Variants in NAV1 observed in about 807,000 individuals in gnomAD.
The protein encoded by NAV1 is pore membrane and/or filament interacting like protein 3.
Under a neutral mutation model 175.2 loss-of-function variants are expected in NAV1, and 18 were observed. The observed-to-expected ratio is 0.10, with a 90% CI of 0.07 to 0.15. The LOEUF (loss-of-function observed/expected upper bound fraction) is 0.15. Among genes scored for constraint, NAV1 ranks in the 10% least tolerant of loss-of-function variants. The probability of loss-of-function intolerance (pLI) is 1.00; values close to 1 mark genes in which losing one functional copy is unlikely to be tolerated. For synonymous variants in NAV1, 897 were observed against 978.7 expected (o/e 0.92, Z 1.56); for missense variants, 1,731 against 2,436.6 (o/e 0.71, Z 6.10).
At chr1:201,672,497 G>A (rs1670079973) in intron 1 of NAV1, among the ~76,000 whole-genome samples, 1 of 152,162 alleles carries the variant, frequency 6.6e-6, no homozygotes, top group African/African-American at 2.4e-5. Flanking sequence ...CCTGTTCTGG[G>A]TGCTTTATGT....
At chr1:201,594,222 A>C (rs1076610) in intron 2 of NAV1, among the ~76,000 whole-genome samples, 1 of 151,786 alleles carries the variant, frequency 6.6e-6, no homozygotes, top group African/African-American at 2.4e-5. Context: ...GGCCCAAGCA[A>C]CCCCTATACC....
intron 1 of NAV1, among the ~76,000 whole-genome samples, chr1:201,665,571 G>A (rs948368525): frequency 7.3e-6 from 1 of 136,512 alleles, no homozygotes; most frequent in African/African-American, 2.8e-5. Context: ...CTCTGGAGGG[G>A]TGAGGGCAAG....
chr1:201,714,798 GACTC>G (rs1558091115), intron 2 of NAV1, among the ~76,000 whole-genome samples: 1 of 152,186 alleles, frequency 6.6e-6, no homozygotes, highest in Non-Finnish European at 1.5e-5. Flanking sequence ...CACCCCAAAT[GACTC>G]ACTCACAGGA....
chr1:201,719,336 T>G (rs1433781798), intron 3 of NAV1, among the ~76,000 whole-genome samples: 1 of 152,070 alleles, frequency 6.6e-6, no homozygotes, highest in East Asian at 2.0e-4. Flanking sequence ...CCTCAGTGTC[T>G]GCTCCTTGGG....
At chr1:201,821,926 C>T (rs779886487) in exon 30 of NAV1, 6 of 152,314 alleles carry the variant, frequency 3.9e-5, no homozygotes, top group Non-Finnish European at 5.9e-5. Flanking sequence ...TCCTAAGTAG[C>T]ACAAGACTTT....
chr1:201,790,394 G>A (rs373672994), intron 11 of NAV1, among the ~76,000 whole-genome samples, 160 bp from the exon 16 acceptor site: 2 of 152,170 alleles, frequency 1.3e-5, no homozygotes, highest in Non-Finnish European at 2.9e-5. Flanking sequence ...GCCGAGTCCT[G>A]TGAGGAGCCA....
chr1:201,598,325 A>G (rs1034735128), intron 2 of NAV1, among the ~76,000 whole-genome samples: 2 of 152,192 alleles, frequency 1.3e-5, no homozygotes, highest in African/African-American at 2.4e-5. Flanking sequence ...CAGGGCAGAG[A>G]GATGAGTCTG....
chr1:201,694,180 C>T lies in NAV1; in HGVS notation c.758-18637C>T, dbSNP rs1204600817. ...TGCTGAGCAAAGGAGGGTGCCAGAA[C>T]ACGGAGAGCTGGAGGGGACCAGCAG... On this transcript the variant is annotated intron_variant, in intron 1 of 29. Transcript: ENST00000367296. This position sits in a 1 kb window ranked among gnomAD's most constrained non-coding sequence, Gnocchi z 4.2. Among the ~76,000 whole-genome samples, 1 of 152,244 alleles carries T rather than the reference C, an allele frequency of 6.6e-6. No individual in the cohort carries two copies. The highest frequency in any genetic ancestry group is 1.5e-5 in the Non-Finnish European group (1 of 68,046).
At position 201,734,727 on chromosome 1, in the gene NAV1, CTGG is replaced by C. The variant is rs1209866592; in HGVS notation, c.1226+15973_1226+15975del. On this transcript the variant is annotated intron_variant, in intron 3 of 29. Transcript: ENST00000367296. ...AAACACACACACACTCACACACACC[CTGG>C]CATCTGCCCAGTGACCCCAGGTGAG... is the stretch of plus-strand genomic sequence containing the variant. 1.1e-4 allele frequency among the ~76,000 whole-genome samples: 17 copies of C among 152,256 alleles called. No homozygotes were observed. The South Asian group carries it at 3.1e-3, about 28-fold the overall frequency.
At chr1:201,720,674 A>G (rs547529304) in intron 3 of NAV1, among the ~76,000 whole-genome samples, 1 of 152,392 alleles carries the variant, frequency 6.6e-6, no homozygotes, top group Admixed American at 6.5e-5. Flanking sequence ...TCAAATGCAG[A>G]TAACAGTAGA....
chr1:201,591,306 G>A (rs1170851423), intron 2 of NAV1, among the ~76,000 whole-genome samples: 1 of 152,200 alleles, frequency 6.6e-6, no homozygotes, highest in Non-Finnish European at 1.5e-5. Context: ...GAGGGAGGCT[G>A]CAGTCATTGT....
intron 1 of NAV1, among the ~76,000 whole-genome samples, chr1:201,669,428 G>T (rs537244930): frequency 2.0e-5 from 3 of 152,296 alleles, no homozygotes. Flanking sequence ...AAGTATTTGA[G>T]GAAAGTGGAA....
At chr1:201,804,841 T>C (rs1424487904) in intron 17 of NAV1, among the ~76,000 whole-genome samples, 1 of 152,222 alleles carries the variant, frequency 6.6e-6, no homozygotes, top group African/African-American at 2.4e-5. Flanking sequence ...AACCTTCTTC[T>C]TTTTGGTTCC....
chr1:201,773,631 A>G (rs1675737596), intron 3 of NAV1, among the ~76,000 whole-genome samples: 1 of 152,188 alleles, frequency 6.6e-6, no homozygotes, highest in Non-Finnish European at 1.5e-5. Flanking sequence ...AGGGGGAGGA[A>G]AAAGGAGTTG....
intron 3 of NAV1, chr1:201,724,549 A>G (rs1672521769): frequency 6.6e-6 from 1 of 152,280 alleles, no homozygotes; most frequent in Admixed American, 6.5e-5. Context: ...CAGTAACACT[A>G]CTGCCAAGTC....
At position 201,558,562 on chromosome 1, in the gene NAV1, C is replaced by T. The variant is rs561693677; in HGVS notation, c.-144+19220C>T. 1.1e-4 allele frequency among the ~76,000 whole-genome samples: 16 copies of T among 152,316 alleles called. No individual in the cohort carries two copies. In the East Asian group the frequency reaches 2.3e-3, roughly 22 times the overall value. On this transcript the variant is annotated intron_variant, in intron 1 of 33. Transcript: ENST00000685211. ...CTGCCTCGCGGGTTCAAGCGATTCT[C>T]CTGTCTCAGCCTCCTGAGTAGCTGG...
chr1:201,737,782 A>G (rs1673177877), intron 3 of NAV1, among the ~76,000 whole-genome samples: 1 of 152,236 alleles, frequency 6.6e-6, no homozygotes, highest in African/African-American at 2.4e-5. Flanking sequence ...GAAAGCTTAC[A>G]GCTAGATCTG....
At chr1:201,544,232 G>T (rs971463219) in intron 1 of NAV1, among the ~76,000 whole-genome samples, 1 of 152,178 alleles carries the variant, frequency 6.6e-6, no homozygotes, top group African/African-American at 2.4e-5. Flanking sequence ...AGCTCCCTAG[G>T]TGATTTTGAT....
chr1:201,718,781 C>G lies in NAV1; in HGVS notation c.1226+26C>G, dbSNP rs769144424. 2.3e-5 allele frequency: 36 copies of G among 1,575,158 alleles called. No individual in the cohort carries two copies. Among genetic ancestry groups the G allele is most frequent in the Admixed American group, 8.6e-5 (5 of 58,082 alleles). ...GTAAGCGCAGGGGCTTCTTGGATGG[C>G]GGGGGAGGATGGTGGAAAGACCACT... On this transcript the variant is annotated intron_variant, in intron 3 of 29. Transcript: ENST00000367296. The surrounding 1 kb of genome is among the most constrained non-coding windows in gnomAD (Gnocchi z 4.8).
Sources: gnomAD v4.1 joint callset for allele counts (sites outside exome capture counted in the v4.1 genomes callset) on GRCh38, gnomAD v4.1.1 for gene constraint, Gnocchi (gnomAD v3.1) non-coding constraint, MANE v1.5 for transcripts, NCBI Gene and HGNC (gene_info 2026-07-23, HGNC 2026-07-21) for gene names.